Variants in RANBP17 observed in about 807,000 individuals in gnomAD.
The protein encoded by RANBP17 is RAN binding protein 17.
A neutral mutation model predicts 141.2 loss-of-function variants in RANBP17; 158 were observed. The ratio of observed to expected loss-of-function variants is 1.12; its 90% CI spans 0.98 to 1.28. The LOEUF is 1.28. Ranked by LOEUF, RANBP17 falls within the 50% of genes most tolerant of loss-of-function variation. The pLI, the probability that RANBP17 is intolerant of heterozygous loss-of-function variation, is 0.00. For synonymous variants in RANBP17, 430 were observed against 450.0 expected, an observed-to-expected ratio of 0.96 and a Z score of 0.56; for missense variants, 1,438 against 1,290.7, an observed-to-expected ratio of 1.11 and a Z score of -1.75.
chr5:170,964,054 T>C (rs1776341018), intron 13 of RANBP17, among the ~76,000 whole-genome samples: 1 of 152,286 alleles, frequency 6.6e-6, no homozygotes, highest in African/African-American at 2.4e-5. Flanking sequence ...TTTTTCAACT[T>C]TCCAGAAATT....
intron 25 of RANBP17, among the ~76,000 whole-genome samples, chr5:171,270,493 T>C (rs1397196754): frequency 6.6e-6 from 1 of 152,140 alleles, no homozygotes; most frequent in Non-Finnish European, 1.5e-5. Flanking sequence ...GTGATCAGAT[T>C]ACTAATTACT....
At chr5:171,252,150 G>T in intron 24 of RANBP17, 19 of 1,592,280 alleles carry the variant, frequency 1.2e-5, no homozygotes, top group Non-Finnish European at 1.6e-5. Context: ...ACAGAAAGAA[G>T]ATGAGCTTTT....
chr5:170,892,626 A>G, intron 4 of RANBP17, 73 bp downstream of exon 4: 1 of 1,177,018 alleles, frequency 8.5e-7, no homozygotes, highest in East Asian at 2.5e-5. Context: ...CTCTTCTTAA[A>G]GCGATATAGT....
At chr5:171,274,049 ACTTT>A (rs1767308412) in intron 25 of RANBP17, among the ~76,000 whole-genome samples, 1 of 151,566 alleles carries the variant, frequency 6.6e-6, no homozygotes, top group South Asian at 2.1e-4. Flanking sequence ...TACTTTTCAA[ACTTT>A]CTTTTTCTTC....
chr5:171,290,094 C>T (rs1033928645), intron 25 of RANBP17, among the ~76,000 whole-genome samples: 3 of 151,100 alleles, frequency 2.0e-5, no homozygotes, highest in Middle Eastern at 3.5e-3. Context: ...TCGGGCCAGA[C>T]GCAGTGGCTC....
At chr5:170,865,757 T>G (rs1476965820) in intron 1 of RANBP17, among the ~76,000 whole-genome samples, 1 of 152,124 alleles carries the variant, frequency 6.6e-6, no homozygotes, top group Admixed American at 6.5e-5. Context: ...GTTTGGGGGT[T>G]TCCCAAAACC....
chr5:171,007,463 C>T (rs1014340151), intron 14 of RANBP17, among the ~76,000 whole-genome samples: 2 of 151,818 alleles, frequency 1.3e-5, no homozygotes, highest in Non-Finnish European at 2.9e-5. Context: ...GAGGAGCAGT[C>T]TGGGAAGGAA....
rs544844349 is a variant in RANBP17, at chr5:171,023,467, A to G, written c.1710+55090A>G. Among the ~76,000 whole-genome samples the G allele has an allele frequency of 9.3e-4, 142 of 152,282 alleles. 1 individual carries two copies. The highest frequency in any genetic ancestry group is 1.9e-3 in the Admixed American group (29 of 15,292). ...ATTTACACTTCTTTTCTTTGTATAG[A>G]TCTAAATTTTGATGTGATATCCTTT... On this transcript the variant is annotated intron_variant, in intron 14 of 27. Transcript: ENST00000523189.
intron 14 of RANBP17, among the ~76,000 whole-genome samples, chr5:171,106,991 A>C: frequency 6.6e-6 from 1 of 151,900 alleles, no homozygotes; most frequent in East Asian, 1.9e-4. Flanking sequence ...ATTAGGTCAA[A>C]ATTTCTTGGG....
Position 171,189,596 on chromosome 5 carries a change from A to G in RANBP17, c.2038+6166A>G, listed in dbSNP as rs915268066. Among the ~76,000 whole-genome samples the G allele has an allele frequency of 2.0e-5, 3 of 152,122 alleles. No homozygotes were observed. The East Asian group carries it at 5.8e-4, about 29-fold the overall frequency. On this transcript the variant is annotated intron_variant, in intron 18 of 27. Coordinates refer to ENST00000523189, the MANE Select transcript of RANBP17 (RefSeq NM_022897.5). ...CTCTGGCTGCCAGGTTCTTTCTGGA[A>G]GTAGCTCTGATCATTGGCCTCTCCC...
chr5:170,919,571 C>T lies in RANBP17; in HGVS notation c.1232C>T (p.Ala411Val), dbSNP rs763700803. 1.9e-6 allele frequency: 3 copies of T among 1,609,496 alleles called. No homozygotes were observed. Among genetic ancestry groups the T allele is most frequent in the Non-Finnish European group, 1.7e-6 (2 of 1,178,386 alleles). ...LDTYAPEITK[A>V]FITSRLDSVA... Reference sequence around the variant, plus strand: ...ACTTATGCACCAGAAATCACGAAGGCCTTTATCACTTCTCGGTTGGACTCT... The same window carrying T: ...ACTTATGCACCAGAAATCACGAAGGTCTTTATCACTTCTCGGTTGGACTCT... Residue 411 changes from alanine (A) to valine (V), a missense_variant, in exon 11 of 28, where the codon GCC becomes GTC. Ala to Val is a moderately conservative substitution (Grantham distance 64). Coordinates refer to ENST00000523189, the MANE Select transcript of RANBP17 (RefSeq NM_022897.5).
At chr5:171,186,497 T>C (rs1205458957) in intron 18 of RANBP17, among the ~76,000 whole-genome samples, 1 of 150,384 alleles carries the variant, frequency 6.6e-6, no homozygotes, top group Non-Finnish European at 1.5e-5. Context: ...AGGCTTTGGC[T>C]TAGGAAATGT....
chr5:171,160,243 A>G (rs538048464), intron 14 of RANBP17, among the ~76,000 whole-genome samples: 81 of 152,250 alleles, frequency 5.3e-4, no homozygotes, highest in African/African-American at 1.8e-3. Context: ...GCAAGACTCA[A>G]AGACTAGACC....
chr5:171,190,247 A>G (rs1036033618), intron 18 of RANBP17, among the ~76,000 whole-genome samples: 1 of 152,172 alleles, frequency 6.6e-6, no homozygotes, highest in African/African-American at 2.4e-5. Flanking sequence ...GTTTCTACTC[A>G]GTGATTTGCA....
chr5:171,044,987 A>G (rs1374603702), intron 14 of RANBP17, among the ~76,000 whole-genome samples: 1 of 152,036 alleles, frequency 6.6e-6, no homozygotes. Context: ...ATTTTAATAA[A>G]TGCTTGTAAA....
intron 14 of RANBP17, among the ~76,000 whole-genome samples, chr5:171,165,396 T>G (rs923754436): frequency 2.6e-5 from 4 of 152,154 alleles, no homozygotes; most frequent in African/African-American, 9.7e-5. Flanking sequence ...CAGGCTGGTC[T>G]CGAACTCCTG....
chr5:171,253,503 A>G (rs1439129051), intron 24 of RANBP17, among the ~76,000 whole-genome samples: 2 of 152,216 alleles, frequency 1.3e-5, no homozygotes, highest in Non-Finnish European at 2.9e-5. Flanking sequence ...CTAACATGCT[A>G]GATAATCCAG....
rs538322924 is a variant in RANBP17 at position 171,294,108 on chromosome 5, G to A, written c.3042+127G>A. On this transcript the variant is annotated intron_variant, in intron 26 of 27. Transcript: ENST00000523189. The stretch of plus-strand genomic sequence containing the variant: ...AATTGAATTTGAACTGGGACCTTGC[G>A]AACTCTGTGAGGCTGTATTCCCCTA... 1.2e-3 allele frequency: 844 copies of A among 718,018 alleles called. 3 individuals carry two copies. The highest frequency in any genetic ancestry group is 1.7e-3 in the Non-Finnish European group (683 of 398,346). 44.5% of individuals were successfully genotyped at this position (718,018 alleles called of 1,614,324 possible).
At position 171,183,410 on chromosome 5, in the gene RANBP17, G is replaced by A. The variant is rs141374137; in HGVS notation, c.2018G>A (p.Arg673His). 5.0e-6 allele frequency: 8 copies of A among 1,612,684 alleles called. No individual in the cohort carries two copies. The highest frequency in any genetic ancestry group is 1.7e-4 in the Middle Eastern group (1 of 6,058). ...ACAACCTTCTACACAGCGCTCACTC[G>A]CCTTCTGATGGTAGATCTGGGTAAG... ...CRTTFYTALT[R>H]LLMVDLGEDE... is the part of the protein sequence containing the mutation. The change falls in exon 18 of 28, where the codon CGC becomes CAC. Residue 673 changes from arginine to histidine, a missense_variant. By Grantham distance (29) the Arg-to-His change is conservative (BLOSUM62 0). Coordinates refer to ENST00000523189, the MANE Select transcript of RANBP17 (RefSeq NM_022897.5).
Sources: allele counts gnomAD v4.1 joint callset (sites outside exome capture counted in the v4.1 genomes callset), GRCh38; gene constraint gnomAD v4.1.1; transcripts MANE v1.5; gene names NCBI Gene and HGNC (gene_info 2026-07-23, HGNC 2026-07-21).